Variants in PLXDC2 observed in about 807,000 individuals in gnomAD.
PLXDC2 encodes plexin domain-containing protein 2.
A neutral mutation model predicts 68.9 loss-of-function variants in PLXDC2; 40 were observed. The observed-to-expected ratio is 0.58, with a 90% confidence interval of 0.45 to 0.76. PLXDC2 has a LOEUF of 0.76. PLXDC2 is among the 30% of genes least tolerant of loss of function. The pLI, the probability that PLXDC2 is intolerant of heterozygous loss-of-function variation, is 0.00. For synonymous variants in PLXDC2, 243 were observed against 234.2 expected, an observed-to-expected ratio of 1.04 and a Z score of -0.34; for missense variants, 644 against 661.9, an observed-to-expected ratio of 0.97 and a Z score of 0.30.
intron 2 of PLXDC2, among the ~76,000 whole-genome samples, chr10:20,034,226 A>G (rs972632364): frequency 1.2e-4 from 19 of 152,200 alleles, no homozygotes; most frequent in African/African-American, 4.3e-4. Flanking sequence ...TTTCAATTAC[A>G]TATATATGAT....
rs571335602 is a variant in PLXDC2, at chr10:20,235,090, T to G, written c.1313-10255T>G. Among the ~76,000 whole-genome samples the G allele has an allele frequency of 2.0e-5, 3 of 152,308 alleles. No homozygotes were observed. In the East Asian group the frequency reaches 5.8e-4, roughly 29 times the overall value. The stretch of plus-strand genomic sequence containing the variant: ...TTGTTTTTCAAATAGTGGCTGTGGA[T>G]TCTATATCCTATGTCCAAGCTACCG... On this transcript the variant is annotated intron_variant, in intron 12 of 13. Transcript: ENST00000377252.
chr10:20,124,710 G>A (rs144802193), intron 4 of PLXDC2, among the ~76,000 whole-genome samples: 211 of 152,000 alleles, frequency 1.4e-3, no homozygotes, highest in African/African-American at 4.6e-3. Flanking sequence ...GTTCTCTGGC[G>A]GGCAGGAGTG....
At chr10:19,995,319 AG>A (rs972955598) in intron 1 of PLXDC2, among the ~76,000 whole-genome samples, 2 of 152,190 alleles carry the variant, frequency 1.3e-5, no homozygotes, top group Admixed American at 6.5e-5. Context: ...CAGGGAAACC[AG>A]GGCCAAAATT....
At chr10:19,866,781 A>G (rs1837424934) in intron 1 of PLXDC2, among the ~76,000 whole-genome samples, 1 of 152,216 alleles carries the variant, frequency 6.6e-6, no homozygotes, top group African/African-American at 2.4e-5. Flanking sequence ...ATTTTAGAAA[A>G]GAAGAACTTA....
intron 4 of PLXDC2, among the ~76,000 whole-genome samples, chr10:20,078,984 G>C (rs1367086521): frequency 1.3e-5 from 2 of 151,908 alleles, no homozygotes; most frequent in Admixed American, 1.3e-4. Flanking sequence ...TCCTGAGATT[G>C]GGAGCATTTT....
intron 9 of PLXDC2, among the ~76,000 whole-genome samples, chr10:20,182,470 CACA>C (rs1192963339): frequency 1.3e-5 from 2 of 151,946 alleles, no homozygotes; most frequent in East Asian, 3.9e-4. Context: ...TGAGTGAATA[CACA>C]ACAATTTATT....
chr10:19,895,412 C>T (rs933508299), intron 1 of PLXDC2, among the ~76,000 whole-genome samples: 4 of 151,794 alleles, frequency 2.6e-5, no homozygotes, highest in Middle Eastern at 3.2e-3. Context: ...TCCCAGTAGC[C>T]GTATATTTTT....
chr10:19,949,834 G>T (rs978528230), intron 1 of PLXDC2, among the ~76,000 whole-genome samples: 2 of 152,128 alleles, frequency 1.3e-5, no homozygotes, highest in Non-Finnish European at 2.9e-5. Context: ...CAATAGTATT[G>T]TTTAAAGAAT....
chr10:20,126,054 AT>A (rs972046076), intron 4 of PLXDC2, among the ~76,000 whole-genome samples: 2 of 148,284 alleles, frequency 1.3e-5, no homozygotes, highest in Non-Finnish European at 3.0e-5. Context: ...TTGCGTATAC[AT>A]ATATACACAT....
At chr10:20,139,375 G>A (rs1045131776) in intron 4 of PLXDC2, among the ~76,000 whole-genome samples, 3 of 152,196 alleles carry the variant, frequency 2.0e-5, no homozygotes, top group Non-Finnish European at 4.4e-5. Flanking sequence ...CTGCATAAAT[G>A]ACCACTTTTC....
intron 13 of PLXDC2, among the ~76,000 whole-genome samples, chr10:20,276,999 C>T (rs1045017532): frequency 1.2e-4 from 18 of 151,906 alleles, no homozygotes; most frequent in African/African-American, 3.4e-4. Context: ...ATCACGAGGT[C>T]AGGGGTTCAA....
intron 9 of PLXDC2, among the ~76,000 whole-genome samples, chr10:20,179,288 T>C (rs1834570526): frequency 6.6e-6 from 1 of 152,086 alleles, no homozygotes; most frequent in African/African-American, 2.4e-5. Context: ...TGTTCATTTG[T>C]CGTCTTCTTT....
chr10:19,870,938 T>C (rs1026920322), intron 1 of PLXDC2, among the ~76,000 whole-genome samples: 4 of 152,238 alleles, frequency 2.6e-5, no homozygotes, highest in Admixed American at 6.5e-5. Flanking sequence ...GATTCTGCGA[T>C]TATCTCCTTT....
intron 1 of PLXDC2, among the ~76,000 whole-genome samples, chr10:19,907,004 G>T (rs1241883786): frequency 6.6e-6 from 1 of 151,998 alleles, no homozygotes; most frequent in Non-Finnish European, 1.5e-5. Context: ...TTTTTCCCAA[G>T]CAAGGAAGCA....
intron 1 of PLXDC2, among the ~76,000 whole-genome samples, chr10:19,862,168 A>G (rs1209774633): frequency 6.6e-6 from 1 of 152,208 alleles, no homozygotes; most frequent in Non-Finnish European, 1.5e-5. Context: ...GCCGTAATTG[A>G]TGCATAACCC....
chr10:20,049,503 T>A (rs1447857353), intron 3 of PLXDC2, among the ~76,000 whole-genome samples: 2 of 151,990 alleles, frequency 1.3e-5, no homozygotes, highest in African/African-American at 4.8e-5. Context: ...ATAAACAACT[T>A]CAGCAAGTTT....
chr10:20,068,004 GA>G (rs1189264808), intron 3 of PLXDC2, among the ~76,000 whole-genome samples, 165 bp from the exon 4 acceptor site: 2 of 152,082 alleles, frequency 1.3e-5, no homozygotes, highest in Non-Finnish European at 2.9e-5. Context: ...TTAATTACCA[GA>G]AAAAATATTC....
At chr10:20,016,243 T>C (rs979620047) in intron 2 of PLXDC2, among the ~76,000 whole-genome samples, 46 of 152,264 alleles carry the variant, frequency 3.0e-4, no homozygotes, top group Admixed American at 2.6e-3. Flanking sequence ...CTTGTATGGA[T>C]GTAGGGAAAG....
chr10:20,129,327 T>C (rs2131774269), intron 4 of PLXDC2, among the ~76,000 whole-genome samples: 1 of 152,252 alleles, frequency 6.6e-6, no homozygotes, highest in South Asian at 2.1e-4. Flanking sequence ...ATTGGGTTGC[T>C]TTCTTGCTAT....
Sources: allele counts gnomAD v4.1 joint callset (sites outside exome capture counted in the v4.1 genomes callset), GRCh38; gene constraint gnomAD v4.1.1; transcripts MANE v1.5; gene names NCBI Gene and HGNC (gene_info 2026-07-23, HGNC 2026-07-21).